The following DCAF8L2 variants were observed in gnomAD, a reference collection of about 807,000 sequenced individuals.
The protein encoded by DCAF8L2 is DDB1 and CUL4 associated factor 8 like 2.
For synonymous variants in DCAF8L2, 200 were observed against 190.9 expected, an observed-to-expected ratio of 1.05 and a Z score of -0.39; for missense variants, 430 against 490.7, an observed-to-expected ratio of 0.88 and a Z score of 1.17.
chrX:27,587,885 C>T (rs1335316237), upstream of DCAF8L2, among the ~76,000 whole-genome samples: 4 of 106,510 alleles, frequency 3.8e-5, no homozygotes, highest in African/African-American at 1.0e-4. Context: ...GGCCCTCAGT[C>T]GTATAACTAG....
intron 1 of DCAF8L2, among the ~76,000 whole-genome samples, chrX:27,610,987 A>T (rs1199890894): frequency 8.9e-6 from 1 of 112,370 alleles, no homozygotes; most frequent in East Asian, 2.8e-4. Context: ...TAACGATTTG[A>T]ATTCCTGTGG....
At chrX:27,471,441 C>T in the DCAF8L2 span, among the ~76,000 whole-genome samples, 3 of 111,293 alleles carry the variant, frequency 2.7e-5, no homozygotes, top group Admixed American at 1.9e-4. Context: ...CAGGCCCCAC[C>T]GCCTCACCCC....
intron 2 of DCAF8L2, among the ~76,000 whole-genome samples, chrX:27,635,915 G>A (rs1218896637): frequency 2.4e-4 from 26 of 108,354 alleles, no homozygotes; most frequent in African/African-American, 8.1e-4. Context: ...GGGTTCAAGC[G>A]ATTCTCCTGC....
At chrX:27,676,781 C>T (rs893993640) in intron 2 of DCAF8L2, among the ~76,000 whole-genome samples, 1 of 111,696 alleles carries the variant, frequency 9.0e-6, no homozygotes, top group Non-Finnish European at 1.9e-5. Flanking sequence ...GTATCGATTT[C>T]GTGCATGCAT....
At chrX:27,587,985 A>AAAAAATATATATATATATATATATAT, upstream of DCAF8L2, among the ~76,000 whole-genome samples, 15 of 22,342 alleles carry the variant, frequency 6.7e-4, no homozygotes, top group Non-Finnish European at 1.0e-3. Context: ...TAAAAAAAAA[A>AAAAAATATATATATATATATATATAT]ATATATATAT....
At chrX:27,687,715 CTGG>C (rs1930561943) in intron 3 of DCAF8L2, among the ~76,000 whole-genome samples, 1 of 110,883 alleles carries the variant, frequency 9.0e-6, no homozygotes, top group Non-Finnish European at 1.9e-5. Flanking sequence ...ATAGTTGGTC[CTGG>C]TCGTGCATGT....
the DCAF8L2 span, among the ~76,000 whole-genome samples, chrX:27,574,244 A>ATAT: frequency 9.0e-6 from 1 of 111,475 alleles, no homozygotes; most frequent in East Asian, 2.8e-4. Context: ...ACATATCGAC[A>ATAT]GTACAGGAAG....
the DCAF8L2 span, among the ~76,000 whole-genome samples, chrX:27,552,813 T>C: frequency 8.9e-6 from 1 of 112,050 alleles, no homozygotes. Flanking sequence ...TCTGTGACAA[T>C]GTCATTGGTA....
At chrX:27,591,016 A>ATATATATAT (rs1569153314) in intron 1 of DCAF8L2, among the ~76,000 whole-genome samples, 15 of 44,754 alleles carry the variant, frequency 3.4e-4, no homozygotes, top group South Asian at 1.7e-3. Context: ...TATATATATA[A>ATATATATAT]ATAAATAATT....
the DCAF8L2 span, among the ~76,000 whole-genome samples, chrX:27,543,738 A>G: frequency 9.0e-6 from 1 of 111,510 alleles, no homozygotes; most frequent in African/African-American, 3.3e-5. Flanking sequence ...TCTGGTGTCT[A>G]TGACCTGCCT....
At chrX:27,501,785 A>G in the DCAF8L2 span, among the ~76,000 whole-genome samples, 2 of 110,724 alleles carry the variant, frequency 1.8e-5, no homozygotes, top group Non-Finnish European at 3.8e-5. Context: ...GTTGAGAGGA[A>G]GCAAGGGGGA....
At chrX:27,684,698 T>C (rs1930441781) in intron 3 of DCAF8L2, among the ~76,000 whole-genome samples, 2 of 111,837 alleles carry the variant, frequency 1.8e-5, no homozygotes, top group African/African-American at 6.5e-5. Context: ...CTCCGCTTAA[T>C]ATAATGTTCT....
the DCAF8L2 span, among the ~76,000 whole-genome samples, chrX:27,508,843 T>A: frequency 9.2e-6 from 1 of 109,022 alleles, no homozygotes; most frequent in African/African-American, 3.3e-5. Context: ...TGCAGTTGCA[T>A]CTCATCAATA....
At chrX:27,504,034 T>A in the DCAF8L2 span, among the ~76,000 whole-genome samples, 1 of 112,576 alleles carries the variant, frequency 8.9e-6, no homozygotes, top group Middle Eastern at 4.2e-3. Context: ...AATTTGAATT[T>A]TCTGGCTTTG....
chrX:27,604,004 T>C (rs1458748873), intron 1 of DCAF8L2, among the ~76,000 whole-genome samples: 1 of 111,609 alleles, frequency 9.0e-6, no homozygotes, highest in Non-Finnish European at 1.9e-5. Context: ...TTAAAATAAT[T>C]TTAATAACTA....
the DCAF8L2 span, chrX:27,517,690 A>C: frequency 1.2e-6 from 1 of 802,135 alleles, no homozygotes; most frequent in East Asian, 3.1e-5. Context: ...GATGCATTCC[A>C]CCGTATCCGC....
the DCAF8L2 span, among the ~76,000 whole-genome samples, chrX:27,572,620 A>G: frequency 1.6e-4 from 18 of 112,385 alleles, no homozygotes; most frequent in Non-Finnish European, 3.2e-4. Context: ...CAGTGTTGTG[A>G]TGGAGAAGGT....
At chrX:27,535,780 C>T in the DCAF8L2 span, among the ~76,000 whole-genome samples, 6 of 111,469 alleles carry the variant, frequency 5.4e-5, no homozygotes, top group Admixed American at 2.9e-4. Flanking sequence ...ACTGAGCTCA[C>T]GCAAGTAAAA....
chrX:27,653,448 A>T (rs919864436), intron 2 of DCAF8L2, among the ~76,000 whole-genome samples: 1 of 111,237 alleles, frequency 9.0e-6, no homozygotes, highest in Non-Finnish European at 1.9e-5. Flanking sequence ...GTTATTTTTT[A>T]AAAATTCATT....
Sources: allele counts gnomAD v4.1 joint callset (sites outside exome capture counted in the v4.1 genomes callset), GRCh38; gene constraint gnomAD v4.1.1; transcripts MANE v1.5; gene names NCBI Gene and HGNC (gene_info 2026-07-23, HGNC 2026-07-21).